Variants in RBM19 observed in about 807,000 individuals in gnomAD.
The protein encoded by RBM19 is probable RNA-binding protein 19.
In RBM19, 94 loss-of-function variants were observed where a neutral mutation model predicts 116.8. That is an observed-to-expected ratio of 0.80 (90% CI 0.68 to 0.95). The LOEUF (loss-of-function observed/expected upper bound fraction) is 0.95. RBM19 is among the 40% of genes least tolerant of loss of function. The pLI, the probability that RBM19 is intolerant of heterozygous loss-of-function variation, is 0.00. For synonymous variants in RBM19, 475 were observed against 494.1 expected (o/e 0.96, Z 0.51); for missense variants, 1,161 against 1,220.7 (o/e 0.95, Z 0.73).
rs572718438 is a variant in RBM19 at position 113,962,370 on chromosome 12, C to T, written c.81G>A (p.Thr27=). 2.5e-5 allele frequency: 41 copies of T among 1,614,214 alleles called. No homozygotes were observed. In the East Asian group the frequency reaches 3.1e-4, roughly 12 times the overall value. Residue 27 remains threonine, a synonymous_variant, in exon 2 of 24, where the codon ACG becomes ACA. Transcript: ENST00000261741. ...TGAACTTCAGGCTGCAGTCTGTCAG[C>T]GTGCCGAAGGCGGCAAACAGCTGCC... The part of the protein sequence containing the change: ...RFRQLFAAFG[T]LTDCSLKFTK...
At chr12:113,874,811 T>G (rs932302614) in intron 21 of RBM19, among the ~76,000 whole-genome samples, 3 of 152,116 alleles carry the variant, frequency 2.0e-5, no homozygotes, top group African/African-American at 7.2e-5. Context: ...GTTCAGATGC[T>G]CCCCATCCTC....
Position 113,826,844 on chromosome 12 carries a change from C to T in RBM19, c.2786-3523G>A, listed in dbSNP as rs138121222. ...TTTGGGGCAGTGAGCACTCATGGGG[C>T]GGGGGCTCTTACGCGGAGCCTGGCT... On this transcript the variant is annotated intron_variant, in intron 23 of 23. Coordinates refer to ENST00000261741, the MANE Select transcript of RBM19 (RefSeq NM_016196.4). Among the ~76,000 whole-genome samples, 9 of 152,290 alleles carry T rather than the reference C, an allele frequency of 5.9e-5. No individual in the cohort carries two copies. The East Asian group carries it at 7.7e-4, about 13-fold the overall frequency.
intron 7 of RBM19, among the ~76,000 whole-genome samples, chr12:113,953,013 T>G (rs988057174): frequency 1.5e-4 from 23 of 152,228 alleles, no homozygotes; most frequent in African/African-American, 5.5e-4. Context: ...TTCTGAATGG[T>G]TGATACTGAA....
Position 113,927,046 on chromosome 12 carries a change from CCACT to C in RBM19, c.2244+4_2244+7del, listed in dbSNP as rs1566021487. 6.2e-7 allele frequency: 1 copy of C among 1,611,248 alleles called. No individual in the cohort carries two copies. The highest frequency in any genetic ancestry group is 8.5e-7 in the Non-Finnish European group (1 of 1,178,822). ...CGCCCCTCCCTCCTGGGCTGAGAAA[CCACT>C]CACTTCCTTCAGCTTCTCTTCTGTT... On this transcript the variant is annotated splice_donor_5th_base_variant and intron_variant, in intron 17 of 23. Coordinates refer to ENST00000261741, the MANE Select transcript of RBM19 (RefSeq NM_016196.4).
intron 16 of RBM19, among the ~76,000 whole-genome samples, chr12:113,930,475 T>C (rs1384483593): frequency 6.6e-6 from 1 of 152,178 alleles, no homozygotes; most frequent in Non-Finnish European, 1.5e-5. Context: ...GCAGATCCCT[T>C]CCCTGGCAGA....
intron 22 of RBM19, among the ~76,000 whole-genome samples, chr12:113,845,455 T>C (rs1876883136): frequency 6.6e-6 from 1 of 152,224 alleles, no homozygotes; most frequent in East Asian, 1.9e-4. Flanking sequence ...TTAACAGCTA[T>C]ACTGAGACAG....
At chr12:113,838,111 G>T (rs962365120) in intron 23 of RBM19, among the ~76,000 whole-genome samples, 2 of 152,332 alleles carry the variant, frequency 1.3e-5, no homozygotes, top group East Asian at 1.9e-4. Flanking sequence ...GCTGCAGGGG[G>T]CCAGAGCCTC....
intron 2 of RBM19, among the ~76,000 whole-genome samples, chr12:113,961,216 C>T (rs750076042): frequency 6.6e-6 from 1 of 151,960 alleles, no homozygotes; most frequent in Non-Finnish European, 1.5e-5. Context: ...TGTAAAGACG[C>T]AGTCTTGCTA....
chr12:113,949,617 T>G (rs979500044), intron 9 of RBM19, among the ~76,000 whole-genome samples: 6 of 152,124 alleles, frequency 3.9e-5, no homozygotes, highest in African/African-American at 1.4e-4. Context: ...AAAGAATACA[T>G]CCCTGGGTAT....
intron 22 of RBM19, among the ~76,000 whole-genome samples, chr12:113,853,136 TC>T (rs1198195188): frequency 1.3e-5 from 2 of 152,156 alleles, no homozygotes; most frequent in Non-Finnish European, 2.9e-5. Flanking sequence ...AACACTGGCA[TC>T]CCCCAGGCTG....
chr12:113,859,042 T>G, intron 21 of RBM19, 146 bp from the exon 22 acceptor site: 1 of 703,372 alleles, frequency 1.4e-6, no homozygotes, highest in Non-Finnish European at 2.4e-6. Context: ...ACATGTCAGC[T>G]CAGGGGCATG....
chr12:113,870,346 C>G (rs1879125994), intron 21 of RBM19, among the ~76,000 whole-genome samples: 1 of 152,302 alleles, frequency 6.6e-6, no homozygotes, highest in East Asian at 1.9e-4. Flanking sequence ...TGCCACGTCT[C>G]CTACAGACAC....
At chr12:113,836,485 G>A (rs1049943126) in intron 23 of RBM19, among the ~76,000 whole-genome samples, 1 of 152,068 alleles carries the variant, frequency 6.6e-6, no homozygotes, top group Non-Finnish European at 1.5e-5. Flanking sequence ...TAAAATGAAG[G>A]CTTCCGCTTG....
At chr12:113,818,778 G>A (rs866331627), downstream of RBM19, among the ~76,000 whole-genome samples, 22 of 152,226 alleles carry the variant, frequency 1.4e-4, no homozygotes, top group African/African-American at 4.6e-4. Flanking sequence ...TGTGCATTCC[G>A]CTCTCCTCCT....
intron 16 of RBM19, among the ~76,000 whole-genome samples, chr12:113,929,486 A>G (rs559634594): frequency 2.3e-4 from 35 of 152,238 alleles, no homozygotes; most frequent in African/African-American, 8.2e-4. Flanking sequence ...AACAAGAGAG[A>G]CTCCATGGTG....
rs1874539477 is a variant in RBM19, at chr12:113,822,991, GCAGT to G, written c.*229_*232del. ...TCCGTGTCTGCTACAGAGCAGGTGC[GCAGT>G]CAGTGTCTGCTAGAACGCGTCACTG... On this transcript the variant is annotated 3_prime_UTR_variant, in exon 24 of 24. Transcript: ENST00000261741. The G allele has an allele frequency of 1.5e-5, 8 of 533,588 alleles. No individual in the cohort carries two copies. The South Asian group carries it at 1.7e-4, about 11-fold the overall frequency. The allele number at this position is 533,588 out of a possible 1,614,324, so 33.1% of individuals were successfully genotyped here. A position where few individuals can be genotyped will look rare whatever the true frequency, so the allele number is the denominator to read the frequency against.
chr12:113,826,011 A>G (rs932500752), intron 23 of RBM19, among the ~76,000 whole-genome samples: 5 of 150,790 alleles, frequency 3.3e-5, no homozygotes, highest in African/African-American at 1.2e-4. Flanking sequence ...CTTCCCTCCC[A>G]CTCTGCTCAG....
At chr12:113,911,157 T>C (rs1055578314) in intron 21 of RBM19, among the ~76,000 whole-genome samples, 6 of 152,146 alleles carry the variant, frequency 3.9e-5, no homozygotes, top group African/African-American at 1.2e-4. Context: ...CCACTGGCCA[T>C]TTCCGTCCTT....
At chr12:113,949,618 C>A (rs2135925386) in intron 9 of RBM19, among the ~76,000 whole-genome samples, 1 of 152,238 alleles carries the variant, frequency 6.6e-6, no homozygotes, top group East Asian at 1.9e-4. Context: ...AAGAATACAT[C>A]CCTGGGTATT....
Sources: gnomAD v4.1 joint callset for allele counts (sites outside exome capture counted in the v4.1 genomes callset) on GRCh38, gnomAD v4.1.1 for gene constraint, MANE v1.5 for transcripts, NCBI Gene and HGNC (gene_info 2026-07-23, HGNC 2026-07-21) for gene names.